The following SYN3 variants were observed in gnomAD, a reference collection of about 807,000 sequenced individuals.
SYN3 encodes synapsin III.
In SYN3, 35 loss-of-function variants were observed where a neutral mutation model predicts 65.8. That is an observed-to-expected ratio of 0.53 (90% CI 0.41 to 0.70). SYN3 has a LOEUF of 0.70. Ranked by LOEUF, SYN3 falls within the 30% of genes least tolerant of loss-of-function variation. SYN3 has a pLI of 0.00. For missense variants in SYN3, 680 were observed against 749.0 expected, an observed-to-expected ratio of 0.91 and a Z score of 1.08; for synonymous variants, 270 against 292.9, an observed-to-expected ratio of 0.92 and a Z score of 0.80.
At chr22:32,714,931 C>T (rs762248263) in intron 6 of SYN3, among the ~76,000 whole-genome samples, 11 of 152,204 alleles carry the variant, frequency 7.2e-5, no homozygotes, top group Non-Finnish European at 1.3e-4. Flanking sequence ...TCTTCCCGCT[C>T]ATCTCCCATG....
chr22:32,987,261 G>A (rs184821310), intron 2 of SYN3, among the ~76,000 whole-genome samples: 1 of 152,222 alleles, frequency 6.6e-6, no homozygotes. Flanking sequence ...CTGATTTGTG[G>A]CCCAGGCAGA....
chr22:32,757,157 C>G (rs151165517), intron 6 of SYN3, among the ~76,000 whole-genome samples: 138 of 152,158 alleles, frequency 9.1e-4, no homozygotes, highest in African/African-American at 3.1e-3. Context: ...CTTTTGCTTC[C>G]TGTTCTCACA....
At chr22:32,848,818 C>G (rs746080863) in intron 6 of SYN3, among the ~76,000 whole-genome samples, 1 of 152,218 alleles carries the variant, frequency 6.6e-6, no homozygotes, top group Non-Finnish European at 1.5e-5. Flanking sequence ...CTGTCTGGCT[C>G]CTGAGCCCCG....
At chr22:32,526,024 A>G (rs1243039870) in intron 12 of SYN3, among the ~76,000 whole-genome samples, 1 of 152,212 alleles carries the variant, frequency 6.6e-6, no homozygotes, top group Admixed American at 6.5e-5. Flanking sequence ...AAGACCCTCC[A>G]TCAGCAGAAA....
intron 7 of SYN3, among the ~76,000 whole-genome samples, chr22:32,580,114 C>A (rs183386496): frequency 6.6e-6 from 1 of 152,232 alleles, no homozygotes. Flanking sequence ...ACAGCTTGTG[C>A]GTCCACAGAG....
chr22:32,643,559 G>T (rs957846339), intron 6 of SYN3, among the ~76,000 whole-genome samples: 5 of 129,922 alleles, frequency 3.8e-5, no homozygotes, highest in African/African-American at 6.0e-5. Context: ...TGGGGGGGCG[G>T]GGGGGGCAGA....
chr22:32,816,835 G>T (rs2047098596), intron 6 of SYN3, among the ~76,000 whole-genome samples: 1 of 152,172 alleles, frequency 6.6e-6, no homozygotes, highest in African/African-American at 2.4e-5. Flanking sequence ...CAGGTGTGCT[G>T]TAAGGATGGG....
chr22:32,866,094 A>C (rs2048682600), intron 5 of SYN3, among the ~76,000 whole-genome samples: 1 of 152,216 alleles, frequency 6.6e-6, no homozygotes, highest in Admixed American at 6.5e-5. Context: ...TTCACCCAGA[A>C]GGTGAAGGAG....
At chr22:32,995,645 C>G (rs1347237440) in intron 2 of SYN3, among the ~76,000 whole-genome samples, 1 of 151,524 alleles carries the variant, frequency 6.6e-6, no homozygotes, top group Non-Finnish European at 1.5e-5. Context: ...CTCATGCCTT[C>G]GGTCAAAGCA....
intron 6 of SYN3, among the ~76,000 whole-genome samples, chr22:32,789,007 G>A (rs1208764269): frequency 2.0e-5 from 3 of 152,106 alleles, no homozygotes; most frequent in African/African-American, 7.2e-5. Flanking sequence ...AGTCACCTCT[G>A]CCAGGCCAAG....
At chr22:32,996,529 C>T (rs1444954421) in intron 2 of SYN3, among the ~76,000 whole-genome samples, 3 of 152,090 alleles carry the variant, frequency 2.0e-5, no homozygotes, top group African/African-American at 7.2e-5. Flanking sequence ...GTGGCTGGGA[C>T]TTCAAGCCCA....
chr22:32,589,980 G>A lies in SYN3; in HGVS notation c.774+6694C>T, dbSNP rs145348750. 2.9e-3 allele frequency among the ~76,000 whole-genome samples: 446 copies of A among 152,144 alleles called. 4 individuals are homozygous for A. The highest frequency in any genetic ancestry group is 0.023 in the Admixed American group (358 of 15,272). ...CTTTCCATTCATAGATCCTAAGAGT[G>A]AATTACATTTTTAAAATCTTATTTT... On this transcript the variant is annotated intron_variant, in intron 7 of 13. Coordinates refer to ENST00000358763, the MANE Select transcript of SYN3 (RefSeq NM_003490.4).
At chr22:33,035,774 G>A (rs1249481176) in intron 1 of SYN3, among the ~76,000 whole-genome samples, 1 of 151,992 alleles carries the variant, frequency 6.6e-6, no homozygotes. Context: ...GGAGACAGGG[G>A]TCTTGATATG....
rs189072488 is a variant in SYN3, at chr22:32,927,865, T to C, written c.461+3525A>G. Among the ~76,000 whole-genome samples the C allele has an allele frequency of 7.2e-5, 11 of 152,314 alleles. No homozygotes were observed. In the East Asian group the frequency reaches 1.9e-3, roughly 27 times the overall value. On this transcript the variant is annotated intron_variant, in intron 4 of 13. Coordinates refer to ENST00000358763, the MANE Select transcript of SYN3 (RefSeq NM_003490.4). Reference sequence around the variant, plus strand: ...TTCATAAAAGATGTTTCTCTGAGGATAGAATTATAGGTTGGCAATTAATTT... The same window carrying C: ...TTCATAAAAGATGTTTCTCTGAGGACAGAATTATAGGTTGGCAATTAATTT...
At chr22:33,036,066 G>A (rs773507685) in intron 1 of SYN3, among the ~76,000 whole-genome samples, 10 of 151,658 alleles carry the variant, frequency 6.6e-5, no homozygotes, top group Non-Finnish European at 1.5e-4. Flanking sequence ...GAGATTTACC[G>A]GGCACTAAGG....
At position 32,902,323 on chromosome 22, in the gene SYN3, T is replaced by G. The variant is rs994443596; in HGVS notation, c.461+29067A>C. Among the ~76,000 whole-genome samples the G allele has an allele frequency of 2.0e-5, 3 of 151,984 alleles. No homozygotes were observed. The South Asian group carries it at 6.3e-4, about 32-fold the overall frequency. On this transcript the variant is annotated intron_variant, in intron 4 of 13. Coordinates refer to ENST00000358763, the MANE Select transcript of SYN3 (RefSeq NM_003490.4). ...CAAGGGAGAATGTAGTCAGTGAGGG[T>G]TTCTAAGCACAAGTGAGCAGTAACA... is the stretch of plus-strand genomic sequence containing the variant.
chr22:32,661,747 C>T (rs765463367), intron 6 of SYN3, among the ~76,000 whole-genome samples: 132 of 152,188 alleles, frequency 8.7e-4, no homozygotes, highest in Middle Eastern at 3.4e-3. Context: ...GCATCTGGAA[C>T]GGAAGGGAAT....
chr22:32,846,505 GACTACAT>G (rs1400880314), intron 6 of SYN3, among the ~76,000 whole-genome samples: 4 of 152,194 alleles, frequency 2.6e-5, no homozygotes, highest in African/African-American at 9.7e-5. Flanking sequence ...GTTTGGGATG[GACTACAT>G]ACTGTTCTCA....
intron 7 of SYN3, among the ~76,000 whole-genome samples, chr22:32,551,381 T>C (rs999045071): frequency 6.6e-6 from 1 of 152,130 alleles, no homozygotes; most frequent in African/African-American, 2.4e-5. Flanking sequence ...CAGAACCTGA[T>C]TCAGATAAAA....
Sources: gnomAD v4.1 joint callset for allele counts (sites outside exome capture counted in the v4.1 genomes callset) on GRCh38, gnomAD v4.1.1 for gene constraint, MANE v1.5 for transcripts, NCBI Gene and HGNC (gene_info 2026-07-23, HGNC 2026-07-21) for gene names.